The following CHRNA7 variants were observed in gnomAD, a reference collection of about 807,000 sequenced individuals.
CHRNA7 encodes neuronal acetylcholine receptor subunit alpha-7.
CHRNA7 carries 17 observed loss-of-function variants against 48.0 expected under a neutral mutation model. The observed-to-expected ratio is 0.35, with a 90% CI of 0.24 to 0.53. The LOEUF (loss-of-function observed/expected upper bound fraction) is 0.53, where lower values mean the gene tolerates loss of function less well. Among genes scored for constraint, CHRNA7 ranks in the 20% least tolerant of loss-of-function variants. The pLI is 0.92. For missense variants in CHRNA7, 155 were observed against 577.7 expected, an observed-to-expected ratio of 0.27 and a Z score of 7.50; for synonymous variants, 75 against 242.3, an observed-to-expected ratio of 0.31 and a Z score of 6.41.
rs769434187 is a variant in CHRNA7, at chr15:32,116,625, T to G, written c.350+4726T>G. ...TCCCCTTTGGATGGAATTAAAGGCC[T>G]TGCTGGGATCAGCAGTCCGCTTGCA... On this transcript the variant is annotated intron_variant, in intron 4 of 9. Transcript: ENST00000306901. Among the ~76,000 whole-genome samples, 64 of 152,360 alleles carry G rather than the reference T, an allele frequency of 4.2e-4. 2 individuals carry two copies. The highest frequency in any genetic ancestry group is 3.1e-3 in the Admixed American group (47 of 15,302).
chr15:32,050,643 A>G (rs372654507), intron 2 of CHRNA7, among the ~76,000 whole-genome samples: 1 of 151,968 alleles, frequency 6.6e-6, no homozygotes, highest in African/African-American at 2.4e-5. Context: ...TCTTCTCTCA[A>G]CTCGTCAAAG....
intron 4 of CHRNA7, among the ~76,000 whole-genome samples, chr15:32,142,528 GC>G (rs1303304699): frequency 6.6e-6 from 1 of 152,150 alleles, no homozygotes; most frequent in Admixed American, 6.5e-5. Flanking sequence ...GCAGAATTCG[GC>G]TGTGAATTTG....
chr15:32,150,453 G>A (rs974806071), intron 4 of CHRNA7, among the ~76,000 whole-genome samples: 1 of 152,194 alleles, frequency 6.6e-6, no homozygotes, highest in South Asian at 2.1e-4. Context: ...TAATTGGAGG[G>A]ACAGACTTTA....
intron 1 of CHRNA7, 113 bp from the exon 2 acceptor site, chr15:32,030,785 G>A (rs1281616021): frequency 1.3e-6 from 2 of 1,507,000 alleles, no homozygotes; most frequent in Middle Eastern, 2.1e-4. Flanking sequence ...GCGCTGCGGG[G>A]GCTGCTTGTC....
chr15:32,031,817 C>T (rs1901856863), intron 2 of CHRNA7, among the ~76,000 whole-genome samples: 1 of 152,214 alleles, frequency 6.6e-6, no homozygotes, highest in Non-Finnish European at 1.5e-5. Context: ...AAATACTTCA[C>T]ACAAGTGTTT....
chr15:32,126,573 T>C (rs992052323), intron 4 of CHRNA7, among the ~76,000 whole-genome samples: 1 of 152,196 alleles, frequency 6.6e-6, no homozygotes, highest in African/African-American at 2.4e-5. Flanking sequence ...TCATTTTATA[T>C]ATCTTCCTTC....
chr15:32,047,748 C>T (rs1377054318), intron 2 of CHRNA7, among the ~76,000 whole-genome samples: 1 of 152,112 alleles, frequency 6.6e-6, no homozygotes, highest in Non-Finnish European at 1.5e-5. Flanking sequence ...CTGTCTGTGC[C>T]AGTTTTCAAA....
intron 2 of CHRNA7, among the ~76,000 whole-genome samples, chr15:32,051,891 G>T (rs1045467952): frequency 6.6e-6 from 1 of 152,090 alleles, no homozygotes; most frequent in Non-Finnish European, 1.5e-5. Context: ...TCCCCAGGCT[G>T]GTCTTGAACT....
intron 4 of CHRNA7, among the ~76,000 whole-genome samples, chr15:32,148,982 G>A (rs147034925): frequency 6.6e-6 from 1 of 152,268 alleles, no homozygotes; most frequent in Non-Finnish European, 1.5e-5. Context: ...CTACATGTTT[G>A]AGTTACATTT....
chr15:32,080,157 G>A (rs1038651809), intron 2 of CHRNA7, among the ~76,000 whole-genome samples: 18 of 152,092 alleles, frequency 1.2e-4, no homozygotes, highest in African/African-American at 4.3e-4. Context: ...AACTCAGGGT[G>A]GATTAAAGAC....
chr15:32,089,117 AT>A (rs1297681143), intron 2 of CHRNA7, among the ~76,000 whole-genome samples: 1 of 152,104 alleles, frequency 6.6e-6, no homozygotes, highest in African/African-American at 2.4e-5. Context: ...TCTATGTTGA[AT>A]TTTTTAGACA....
chr15:32,104,258 T>A (rs911763771), intron 3 of CHRNA7, among the ~76,000 whole-genome samples: 4 of 151,956 alleles, frequency 2.6e-5, no homozygotes, highest in Non-Finnish European at 4.4e-5. Flanking sequence ...GACACACACG[T>A]CACCCGAGCC....
At chr15:32,113,842 C>T (rs1482190560) in intron 4 of CHRNA7, among the ~76,000 whole-genome samples, 1 of 129,916 alleles carries the variant, frequency 7.7e-6, no homozygotes, top group African/African-American at 2.8e-5. Context: ...ATGTACGAGA[C>T]CCCCATCTCT....
At chr15:32,064,214 T>A (rs2049925513) in intron 2 of CHRNA7, among the ~76,000 whole-genome samples, 1 of 152,144 alleles carries the variant, frequency 6.6e-6, no homozygotes, top group Admixed American at 6.5e-5. Context: ...GTTGTCCTCG[T>A]CTTCCTCCTT....
intron 2 of CHRNA7, among the ~76,000 whole-genome samples, chr15:32,074,217 T>A (rs145959298): frequency 6.6e-6 from 1 of 151,402 alleles, no homozygotes; most frequent in African/African-American, 2.4e-5. Context: ...TTTGTTTTTG[T>A]GGATTCTTCG....
chr15:32,091,979 G>A (rs1269350793), intron 2 of CHRNA7, among the ~76,000 whole-genome samples: 1 of 152,014 alleles, frequency 6.6e-6, no homozygotes, highest in Non-Finnish European at 1.5e-5. Flanking sequence ...AGGACCAGAA[G>A]CAGGGCCCCC....
intron 2 of CHRNA7, among the ~76,000 whole-genome samples, chr15:32,080,535 G>GA (rs1185974763): frequency 1.3e-5 from 2 of 151,784 alleles, no homozygotes; most frequent in Non-Finnish European, 2.9e-5. Context: ...ACAAACATAT[G>GA]AAAAAAAAGC....
At chr15:32,150,532 C>T (rs2051604794) in intron 4 of CHRNA7, among the ~76,000 whole-genome samples, 1 of 152,142 alleles carries the variant, frequency 6.6e-6, no homozygotes, top group South Asian at 2.1e-4. Context: ...CAAATGCGTG[C>T]AAATTCATGG....
At chr15:32,112,368 G>A (rs939407616) in intron 4 of CHRNA7, 6 of 457,024 alleles carry the variant, frequency 1.3e-5, no homozygotes, top group Non-Finnish European at 2.2e-5. Flanking sequence ...CTGCAGGTGA[G>A]CGTGAGGACT....
Sources: allele counts gnomAD v4.1 joint callset (sites outside exome capture counted in the v4.1 genomes callset), GRCh38; gene constraint gnomAD v4.1.1; transcripts MANE v1.5; gene names NCBI Gene and HGNC (gene_info 2026-07-23, HGNC 2026-07-21).